The following RYR3 variants were observed in gnomAD, a reference collection of about 807,000 sequenced individuals.
RYR3 encodes ryanodine receptor 3.
RYR3 carries 207 observed loss-of-function variants against 584.3 expected under a neutral mutation model. The observed-to-expected ratio is 0.35, with a 90% CI of 0.32 to 0.40. The LOEUF (loss-of-function observed/expected upper bound fraction) is 0.40. Among genes scored for constraint, RYR3 ranks in the 10% least tolerant of loss-of-function variants. The probability of loss-of-function intolerance (pLI) is 1.00; values close to 1 mark genes in which losing one functional copy is unlikely to be tolerated. For synonymous variants in RYR3, 2,416 were observed against 2,248.5 expected (o/e 1.07, Z -2.11); for missense variants, 5,616 against 6,089.2 (o/e 0.92, Z 2.59).
At chr15:33,584,324 C>A in intron 14 of RYR3, 71 bp from the exon 15 acceptor site, 2 of 782,932 alleles carry the variant, frequency 2.6e-6, no homozygotes, top group Non-Finnish European at 2.1e-6. Flanking sequence ...AAATATTCGA[C>A]AGCTTTCCAA....
intron 75 of RYR3, among the ~76,000 whole-genome samples, chr15:33,818,048 A>G (rs923357483): frequency 3.9e-5 from 6 of 152,226 alleles, no homozygotes; most frequent in Admixed American, 3.3e-4. Context: ...TTTTAGAATC[A>G]AGAGTTAGGT....
intron 1 of RYR3, among the ~76,000 whole-genome samples, chr15:33,327,646 A>G (rs1293513725): frequency 6.6e-6 from 1 of 152,102 alleles, no homozygotes; most frequent in Non-Finnish European, 1.5e-5. Flanking sequence ...TGTTATGAAA[A>G]TCTCCTTTTC....
intron 1 of RYR3, among the ~76,000 whole-genome samples, chr15:33,415,706 C>T (rs762392124): frequency 6.6e-6 from 1 of 152,040 alleles, no homozygotes; most frequent in African/African-American, 2.4e-5. Context: ...TAATTTATTT[C>T]CTTTTTTTAA....
At chr15:33,702,229 T>C (rs373272135) in intron 42 of RYR3, among the ~76,000 whole-genome samples, 3 of 152,122 alleles carry the variant, frequency 2.0e-5, no homozygotes, top group East Asian at 1.9e-4. Flanking sequence ...GAGGTCACCG[T>C]AGAGCCAAGA....
chr15:33,825,357 G>A (rs1320410134), intron 81 of RYR3, among the ~76,000 whole-genome samples: 1 of 152,096 alleles, frequency 6.6e-6, no homozygotes, highest in Non-Finnish European at 1.5e-5. Context: ...GACAATGAGA[G>A]TCACCGTAAG....
intron 16 of RYR3, among the ~76,000 whole-genome samples, chr15:33,594,507 GC>G (rs2059281120): frequency 2.0e-5 from 3 of 152,150 alleles, no homozygotes; most frequent in Non-Finnish European, 4.4e-5. Context: ...AACATTTGAA[GC>G]AAAAAGTCAA....
intron 79 of RYR3, 22 bp downstream of exon 79, chr15:33,821,391 T>G (rs2288615): frequency 0.26 from 415,381 of 1,589,100 alleles, 56,560 homozygotes; most frequent in Admixed American, 0.28. Flanking sequence ...AGTTTCTGGA[T>G]GGGCTTATGT....
chr15:33,646,674 G>C (rs1301931504), intron 29 of RYR3, 148 bp downstream of exon 29: 1 of 686,940 alleles, frequency 1.5e-6, no homozygotes, highest in African/African-American at 1.8e-5. Context: ...GAGAATGTAT[G>C]TGCACGCATG....
rs764823480 is a variant in RYR3, at chr15:33,581,584, C to T, written c.1514C>T (p.Ala505Val). The change falls in exon 14 of 104, where the codon GCA (alanine) becomes GTA (valine). Residue 505 changes from alanine (A) to valine (V), a missense_variant. Physicochemically the swap from Ala to Val is moderately conservative, Grantham distance 64. Coordinates refer to ENST00000634891, the MANE Select transcript of RYR3 (RefSeq NM_001036.6). The part of the protein sequence containing the change: ...YNSVAHFAGI[A>V]REESGMAWKE... ...AGCGTAGCACACTTTGCAGGGATTG[C>T]AAGGGAAGAGAGTGGCATGGCCTGG... The T allele has an allele frequency of 1.1e-5, 17 of 1,613,450 alleles. No individual in the cohort carries two copies. Among genetic ancestry groups the T allele is most frequent in the Non-Finnish European group, 1.4e-5 (17 of 1,179,526 alleles).
chr15:33,739,806 A>C, intron 50 of RYR3, 26 bp from the exon 51 acceptor site: 1 of 1,605,300 alleles, frequency 6.2e-7, no homozygotes, highest in Non-Finnish European at 8.5e-7. Flanking sequence ...TTTCTCTACT[A>C]ATGTGGCCTT....
chr15:33,701,729 G>A (rs1289249295), intron 42 of RYR3, among the ~76,000 whole-genome samples: 7 of 152,170 alleles, frequency 4.6e-5, no homozygotes, highest in Admixed American at 2.0e-4. Flanking sequence ...GGGAGCACAC[G>A]GAAAAGGGCA....
At chr15:33,584,531 G>A (rs1567597401) in intron 15 of RYR3, 41 bp downstream of exon 15, 1 of 782,874 alleles carries the variant, frequency 1.3e-6, no homozygotes, top group Non-Finnish European at 2.0e-6. Context: ...AAGATGAAGG[G>A]TTTTTTTTTT....
At chr15:33,671,014 GT>G (rs2063805803) in intron 38 of RYR3, among the ~76,000 whole-genome samples, 1 of 152,120 alleles carries the variant, frequency 6.6e-6, no homozygotes, top group South Asian at 2.1e-4. Flanking sequence ...TGGGGGGGTT[GT>G]TTTTGGATTT....
chr15:33,733,045 A>C (rs1596349174), intron 48 of RYR3, among the ~76,000 whole-genome samples: 1 of 152,270 alleles, frequency 6.6e-6, no homozygotes, highest in East Asian at 1.9e-4. Flanking sequence ...CAGCAATGAG[A>C]TAGCACTACA....
At chr15:33,727,877 C>T (rs188710696) in intron 46 of RYR3, among the ~76,000 whole-genome samples, 4 of 152,288 alleles carry the variant, frequency 2.6e-5, no homozygotes, top group South Asian at 4.1e-4. Flanking sequence ...TATCCTCACT[C>T]GAAATCCTGT....
chr15:33,359,271 A>G (rs568937940), intron 1 of RYR3, among the ~76,000 whole-genome samples: 1 of 152,218 alleles, frequency 6.6e-6, no homozygotes, highest in Non-Finnish European at 1.5e-5. Flanking sequence ...CACAACAAAC[A>G]GACAAAGGCC....
At chr15:33,639,483 A>G (rs528759952) in intron 27 of RYR3, among the ~76,000 whole-genome samples, 1 of 152,336 alleles carries the variant, frequency 6.6e-6, no homozygotes, top group East Asian at 1.9e-4. Context: ...GGAAAGAGGT[A>G]GCAATTCTTG....
chr15:33,818,495 T>C, intron 75 of RYR3, 83 bp from the exon 76 acceptor site: 1 of 994,588 alleles, frequency 1.0e-6, no homozygotes, highest in Middle Eastern at 2.2e-4. Flanking sequence ...TGCCTTGCGC[T>C]TTACCTTCTC....
intron 12 of RYR3, among the ~76,000 whole-genome samples, chr15:33,576,613 C>T (rs867179796): frequency 3.4e-4 from 51 of 152,146 alleles, no homozygotes; most frequent in African/African-American, 1.2e-3. Context: ...ATGGGATATA[C>T]CTCAAAATAA....
Sources: gnomAD v4.1 joint callset for allele counts (sites outside exome capture counted in the v4.1 genomes callset) on GRCh38, gnomAD v4.1.1 for gene constraint, MANE v1.5 for transcripts, NCBI Gene and HGNC (gene_info 2026-07-23, HGNC 2026-07-21) for gene names.